Variants in CYP2D6 observed in about 807,000 individuals in gnomAD.
CYP2D6 encodes cytochrome P450 family 2 subfamily D member 6 (gene/pseudogene), also known as cytochrome P450 2D6.
CYP2D6 carries 51 observed loss-of-function variants against 43.5 expected under a neutral mutation model. The ratio of observed to expected loss-of-function variants is 1.17; its 90% CI spans 0.94 to 1.48. The LOEUF (loss-of-function observed/expected upper bound fraction) is 1.48, where lower values mean the gene tolerates loss of function less well. Ranked by LOEUF, CYP2D6 falls within the 40% of genes most tolerant of loss-of-function variation. CYP2D6 has a pLI of 0.00. For missense variants in CYP2D6, 698 were observed against 688.0 expected, an observed-to-expected ratio of 1.01 and a Z score of -0.16; for synonymous variants, 346 against 297.1, an observed-to-expected ratio of 1.16 and a Z score of -1.69.
In CYP2D6 at chr22:42,129,718, C is replaced by T; in HGVS notation, c.352+20G>A. 2 of 1,609,378 alleles carry T rather than the reference C, an allele frequency of 1.2e-6. No homozygotes were observed. The highest frequency in any genetic ancestry group is 1.7e-6 in the Non-Finnish European group (2 of 1,177,978). On this transcript the variant is annotated intron_variant, in intron 2 of 8. Transcript: ENST00000645361. ...ACCCGGGTCCCACGGAAATCTGTCTCTGTCCCCACCGCTGCTTGCCTTGGG... is the reference window on the plus strand; with the variant it reads ...ACCCGGGTCCCACGGAAATCTGTCTTTGTCCCCACCGCTGCTTGCCTTGGG...
chr22:42,128,959 T>C lies in CYP2D6; in HGVS notation c.506-15A>G. The stretch of plus-strand genomic sequence containing the variant: ...AAAGGGGCGTCCTGGGGGTGGGAGA[T>C]GCGGGTAAGGGGTCGCCTTCCCCGT... On this transcript the variant is annotated splice_polypyrimidine_tract_variant and intron_variant, in intron 3 of 8. Transcript: ENST00000645361. 2 of 1,583,278 alleles carry C rather than the reference T, an allele frequency of 1.3e-6. No individual in the cohort carries two copies. The highest frequency in any genetic ancestry group is 1.7e-6 in the Non-Finnish European group (2 of 1,164,800).
chr22:42,128,689 A>G, intron 4 of CYP2D6, 95 bp downstream of exon 4: 1 of 1,426,962 alleles, frequency 7.0e-7, no homozygotes, highest in Non-Finnish European at 9.6e-7. Context: ...TCCCAAACCC[A>G]TCTATGCAAA....
rs771447281 is a variant in CYP2D6 at position 42,129,313 on chromosome 22, C to T, written c.353-128G>A. 3.2e-5 allele frequency: 40 copies of T among 1,242,960 alleles called. 1 individual carries two copies. The highest frequency in any genetic ancestry group is 4.6e-5 in the Non-Finnish European group (40 of 877,314). The allele number at this position is 1,242,960 out of a possible 1,614,324, so 77.0% of individuals were successfully genotyped here. On this transcript the variant is annotated intron_variant, in intron 2 of 8. Coordinates refer to ENST00000645361, the MANE Select transcript of CYP2D6 (RefSeq NM_000106.6). The stretch of plus-strand genomic sequence containing the variant: ...GCTCTGTCCAGCTGGTCACAGGGCC[C>T]ACTCTTTGTGCATCCACCTTGCTCC...
In CYP2D6 at chr22:42,129,800, T is replaced by C. The variant is rs1206351211; in HGVS notation, c.290A>G (p.Asp97Gly). 3.1e-6 allele frequency: 5 copies of C among 1,606,660 alleles called. No individual in the cohort carries two copies. Among genetic ancestry groups the C allele is most frequent in the Non-Finnish European group, 4.2e-6 (5 of 1,177,338 alleles). ...VREALVTHGE[D>G]TADRPPVPIT... ...GGGCACAGGCGGGCGGTCGGCGGTG[T>C]CCTCGCCGTGGGTCACCAGCGCCTC... The change falls in exon 2 of 9, where the codon GAC becomes GGC. Residue 97 changes from aspartate (D) to glycine (G), a missense_variant. Transcript: ENST00000645361.
At position 42,130,698 on chromosome 22, in the gene CYP2D6, G is replaced by A. The variant is rs762378491; in HGVS notation, c.94C>T (p.Arg32Cys). 5.1e-5 allele frequency: 82 copies of A among 1,605,980 alleles called. 3 individuals carry two copies. The highest frequency in any genetic ancestry group is 1.2e-4 in the African/African-American group (9 of 74,048). Residue 32 changes from arginine (R) to cysteine (C), a missense_variant, in exon 1 of 9, where the codon CGC becomes TGC. Around this residue, in one of 5 missense-constraint regions of CYP2D6, gnomAD observed 588 missense variants for 521.1 expected, o/e 1.13. Transcript: ENST00000645361. Reference sequence around the variant, plus strand: ...AGTGGCAGGGGGCCTGGTGGGTAGCGTGCAGCCCAGCGTTGGCGCCGGTGC... The same window carrying A: ...AGTGGCAGGGGGCCTGGTGGGTAGCATGCAGCCCAGCGTTGGCGCCGGTGC... ...LMHRRQRWAA[R>C]YPPGPLPLPG... is the part of the protein sequence containing the mutation.
chr22:42,129,364 A>AC, intron 2 of CYP2D6, 179 bp from the exon 3 acceptor site: 1 of 946,840 alleles, frequency 1.1e-6, no homozygotes. Context: ...GCTTTGCCCC[A>AC]CCTCGTCTCT....
rs1298462210 is a variant in CYP2D6 at position 42,129,040 on chromosome 22, G to A, written c.498C>T (p.Asn166=). The A allele has an allele frequency of 3.1e-6, 5 of 1,606,926 alleles. No homozygotes were observed. The highest frequency in any genetic ancestry group is 4.2e-6 in the Non-Finnish European group (5 of 1,176,598). The stretch of plus-strand genomic sequence containing the variant: ...CTTCTGCCCATCACCCACCGGAGTG[G>A]TTGGCGAAGGCGGCACAAAGGCAGG... ...EAACLCAAFA[N]HSGRPFRPNG... Residue 166 remains asparagine, a synonymous_variant, in exon 3 of 9, where the codon AAC becomes AAT. Coordinates refer to ENST00000645361, the MANE Select transcript of CYP2D6 (RefSeq NM_000106.6).
intron 2 of CYP2D6, chr22:42,129,387 C>T: frequency 2.4e-6 from 2 of 844,300 alleles, no homozygotes; most frequent in Non-Finnish European, 1.9e-6. Flanking sequence ...CCACCCTGAC[C>T]GCCTTTGCAC....
rs1931189498 is a variant in CYP2D6 at position 42,127,854 on chromosome 22, G to A, written c.973C>T (p.Pro325Ser). ...AWGLLLMILH[P>S]DVQRRVQQEI... ...CAGATGGGCTCACGCTGCACATCCG[G>A]ATGTAGGATCATGAGCAGGAGGCCC... is the stretch of plus-strand genomic sequence containing the variant. Residue 325 changes from proline to serine, a missense_variant, in exon 6 of 9, where the codon CCG becomes TCG. Pro to Ser is a moderately conservative substitution (Grantham distance 74). Around this residue, in one of 5 missense-constraint regions of CYP2D6, gnomAD observed 588 missense variants for 521.1 expected, o/e 1.13. Coordinates refer to ENST00000645361, the MANE Select transcript of CYP2D6 (RefSeq NM_000106.6). 3 of 1,611,036 alleles carry A rather than the reference G, an allele frequency of 1.9e-6. No individual in the cohort carries two copies. Among genetic ancestry groups the A allele is most frequent in the Non-Finnish European group, 2.5e-6 (3 of 1,178,132 alleles).
At chr22:42,130,534 G>C (rs1394268404) in intron 1 of CYP2D6, 78 bp downstream of exon 1, 1 of 1,307,186 alleles carries the variant, frequency 7.7e-7, no homozygotes, top group Non-Finnish European at 1.1e-6. Flanking sequence ...CCAGCCTGTG[G>C]TTTCACCCAC....
intron 2 of CYP2D6, 114 bp downstream of exon 2, chr22:42,129,624 A>G (rs1931691879): frequency 7.1e-7 from 1 of 1,410,978 alleles, no homozygotes; most frequent in Non-Finnish European, 9.8e-7. Context: ...CGCTGTCCCC[A>G]CTCGCTGGCC....
rs773790593 is a variant in CYP2D6, at chr22:42,130,778, G to C, written c.14C>G (p.Ala5Gly). Residue 5 changes from alanine (A) to glycine (G), a missense_variant, in exon 1 of 9, where the codon GCA (alanine) becomes GGA (glycine). Ala to Gly is a moderately conservative substitution (Grantham distance 60). This residue lies in a region of CYP2D6 where 588 missense variants were observed against 521.1 expected (regional missense o/e 1.13). Transcript: ENST00000645361. ...CACTATCACGGCCAGGGGCACCAGT[G>C]CTTCTAGCCCCATACCTGCCTCACT... The part of the protein sequence containing the change: MGLE[A>G]LVPLAVIVAI... 1 of 1,574,942 alleles carries C rather than the reference G, an allele frequency of 6.3e-7. No individual in the cohort carries two copies. The highest frequency in any genetic ancestry group is 1.8e-5 in the Admixed American group (1 of 54,820).
chr22:42,126,674 C>G lies in CYP2D6; in HGVS notation c.1394G>C (p.Ser465Thr), dbSNP rs769697623. 2.4e-5 allele frequency: 39 copies of G among 1,605,748 alleles called. No homozygotes were observed. The highest frequency in any genetic ancestry group is 6.8e-5 in the Admixed American group (4 of 58,992). Residue 465 changes from serine to threonine, a missense_variant, in exon 9 of 9, where the codon AGC (serine) becomes ACC (threonine). Ser to Thr is a moderately conservative substitution (Grantham distance 58, BLOSUM62 1). Coordinates refer to ENST00000645361, the MANE Select transcript of CYP2D6 (RefSeq NM_000106.6). ...LFFTSLLQHFSFSVPTGQPRP... is the reference protein window; with the variant it reads ...LFFTSLLQHFTFSVPTGQPRP... The stretch of plus-strand genomic sequence containing the variant: ...GGGCTGTCCAGTGGGCACCGAGAAG[C>G]TGAAGTGCTGCAGCAGGGAGGTGAA...
At chr22:42,129,316 T>G (rs1378337684) in intron 2 of CYP2D6, 131 bp from the exon 3 acceptor site, 4 of 1,191,098 alleles carry the variant, frequency 3.4e-6, no homozygotes, top group Non-Finnish European at 3.6e-6. Context: ...CAGGGCCCAC[T>G]CTTTGTGCAT....
In CYP2D6 at chr22:42,128,254, G is replaced by A. The variant is rs752336660; in HGVS notation, c.763C>T (p.Leu255=). The A allele has an allele frequency of 9.9e-6, 16 of 1,610,746 alleles. 1 individual carries two copies. The highest frequency in any genetic ancestry group is 1.7e-4 in the Middle Eastern group (1 of 6,054). ...TCCCAGGTCATCCTGTGCTCAGTTA[G>A]CAGCTCATCCAGCTGGGTCAGGAAA... ...KAFLTQLDEL[L]TEHRMTWDPA... is the part of the protein sequence containing the mutation. Residue 255 remains leucine, a synonymous_variant, in exon 5 of 9, where the codon CTA becomes TTA. Transcript: ENST00000645361.
intron 5 of CYP2D6, 90 bp downstream of exon 5, chr22:42,128,084 A>C: frequency 6.9e-6 from 11 of 1,587,520 alleles, no homozygotes; most frequent in Non-Finnish European, 9.5e-6. Flanking sequence ...CGGGTGATGC[A>C]CTGGTCCAAC....
At chr22:42,129,224 C>T (rs761946374) in intron 2 of CYP2D6, 39 bp from the exon 3 acceptor site, 2 of 1,592,794 alleles carry the variant, frequency 1.3e-6, no homozygotes, top group Admixed American at 1.7e-5. Flanking sequence ...GCCATGAAGG[C>T]ATTAGCCCCA....
rs1471402915 is a variant in CYP2D6, at chr22:42,127,167, A to G, written c.1174-175T>C. The stretch of plus-strand genomic sequence containing the variant: ...CGACCCCACAGCAGGGCGCAGTCAC[A>G]CCTCTCAGAGGCACCCACACTGCCC... On this transcript the variant is annotated intron_variant, in intron 7 of 8. Coordinates refer to ENST00000645361, the MANE Select transcript of CYP2D6 (RefSeq NM_000106.6). Among the ~76,000 whole-genome samples, 6 of 150,794 alleles carry G rather than the reference A, an allele frequency of 4.0e-5. No homozygotes were observed. The East Asian group carries it at 1.2e-3, about 29-fold the overall frequency.
Position 42,129,228 on chromosome 22 carries a change from A to G in CYP2D6, c.353-43T>C, listed in dbSNP as rs373668214. On this transcript the variant is annotated intron_variant, in intron 2 of 8. Transcript: ENST00000645361. ...ACGTGCGCGTGGCCATGAAGGCATT[A>G]GCCCCACCATCCACCACCCACTCCA... is the stretch of plus-strand genomic sequence containing the variant. The G allele has an allele frequency of 4.9e-4, 778 of 1,590,386 alleles. 22 individuals carry two copies. Among genetic ancestry groups the G allele is most frequent in the East Asian group, 1.5e-3 (65 of 44,616 alleles).
Sources: gnomAD v4.1 joint callset for allele counts (sites outside exome capture counted in the v4.1 genomes callset) on GRCh38, gnomAD v4.1.1 for gene constraint, gnomAD v4.1.1 regional missense constraint, MANE v1.5 for transcripts, NCBI Gene and HGNC (gene_info 2026-07-23, HGNC 2026-07-21) for gene names.